PDGFD: variants seen among roughly 807,000 people sequenced by gnomAD.
PDGFD encodes platelet derived growth factor D.
Under a neutral mutation model 44.7 loss-of-function variants are expected in PDGFD, and 30 were observed. The observed-to-expected ratio is 0.67, with a 90% CI of 0.50 to 0.91. The LOEUF (loss-of-function observed/expected upper bound fraction) is 0.91, where lower values mean the gene tolerates loss of function less well. Among genes scored for constraint, PDGFD ranks in the 40% least tolerant of loss-of-function variants. PDGFD has a pLI of 0.00. For missense variants in PDGFD, 445 were observed against 457.8 expected (o/e 0.97, Z 0.25); for synonymous variants, 173 against 168.4 (o/e 1.03, Z -0.21).
At chr11:104,044,998 A>G (rs893764695) in intron 1 of PDGFD, among the ~76,000 whole-genome samples, 2 of 152,202 alleles carry the variant, frequency 1.3e-5, no homozygotes, top group African/African-American at 2.4e-5. Flanking sequence ...AGATCGCACC[A>G]CTGCACTCCA....
intron 3 of PDGFD, among the ~76,000 whole-genome samples, chr11:103,992,824 A>C (rs1006301654): frequency 6.6e-6 from 1 of 152,238 alleles, no homozygotes; most frequent in Admixed American, 6.5e-5. Context: ...TGAACCATGT[A>C]GATGTGATTC....
At position 103,999,005 on chromosome 11, in the gene PDGFD, G is replaced by A. The variant is rs186309718; in HGVS notation, c.329+1046C>T. The stretch of plus-strand genomic sequence containing the variant: ...ATATTAGTTCTTTTTTTTTGAGATG[G>A]AAAAGACGCAAGATCAGCATTAGTT... On this transcript the variant is annotated intron_variant, in intron 2 of 6. Coordinates refer to ENST00000393158, the MANE Select transcript of PDGFD (RefSeq NM_025208.5). Among the ~76,000 whole-genome samples the A allele has an allele frequency of 6.6e-5, 10 of 152,020 alleles. No homozygotes were observed. The East Asian group carries it at 1.9e-3, about 29-fold the overall frequency.
At chr11:104,103,564 C>T (rs1861429291) in intron 1 of PDGFD, among the ~76,000 whole-genome samples, 2 of 150,376 alleles carry the variant, frequency 1.3e-5, no homozygotes, top group African/African-American at 4.9e-5. Context: ...TACATGCACA[C>T]ATATACAGTC....
chr11:104,040,710 G>T (rs1445114312), intron 1 of PDGFD, among the ~76,000 whole-genome samples: 1 of 124,194 alleles, frequency 8.1e-6, no homozygotes, highest in African/African-American at 2.5e-5. Context: ...AAAGTTCAGT[G>T]ATTTTAAATT....
intron 1 of PDGFD, among the ~76,000 whole-genome samples, chr11:104,133,298 T>A (rs1016158410): frequency 2.0e-5 from 3 of 152,122 alleles, no homozygotes; most frequent in African/African-American, 7.2e-5. Flanking sequence ...AATTTAAAAT[T>A]AGGAACAATT....
intron 3 of PDGFD, among the ~76,000 whole-genome samples, chr11:103,971,905 C>T (rs534892896): frequency 1.2e-4 from 19 of 152,296 alleles, no homozygotes; most frequent in South Asian, 8.3e-4. Flanking sequence ...CAGCATAAAG[C>T]ATCCTTACAG....
At chr11:103,982,775 G>C (rs1859291734) in intron 3 of PDGFD, among the ~76,000 whole-genome samples, 1 of 151,672 alleles carries the variant, frequency 6.6e-6, no homozygotes, top group South Asian at 2.1e-4. Context: ...ACCAACAACA[G>C]GCAAGCTGAG....
intron 3 of PDGFD, among the ~76,000 whole-genome samples, chr11:103,978,127 G>A (rs1213231976): frequency 6.6e-6 from 1 of 151,992 alleles, no homozygotes; most frequent in African/African-American, 2.4e-5. Context: ...TAGTGTCGTT[G>A]TTGGTTTCTT....
intron 3 of PDGFD, among the ~76,000 whole-genome samples, chr11:103,981,623 C>T (rs1214945168): frequency 3.3e-5 from 5 of 151,778 alleles, no homozygotes; most frequent in Non-Finnish European, 5.9e-5. Flanking sequence ...ATAGATAATA[C>T]ACAGATTTGA....
chr11:104,144,983 G>T (rs1862143274), intron 1 of PDGFD, among the ~76,000 whole-genome samples: 1 of 152,194 alleles, frequency 6.6e-6, no homozygotes, highest in African/African-American at 2.4e-5. Context: ...CTGAAAAAAT[G>T]TGGAAAAGTG....
chr11:104,041,023 T>C lies in PDGFD; in HGVS notation c.125-40768A>G, dbSNP rs76241701. Among the ~76,000 whole-genome samples, 1,204 of 152,200 alleles carry C rather than the reference T, an allele frequency of 7.9e-3. 17 individuals carry two copies. Among genetic ancestry groups the C allele is most frequent in the African/African-American group, 0.027 (1,134 of 41,560 alleles). On this transcript the variant is annotated intron_variant, in intron 1 of 6. Coordinates refer to ENST00000393158, the MANE Select transcript of PDGFD (RefSeq NM_025208.5). The stretch of plus-strand genomic sequence containing the variant: ...TCCTTTGCAACTTCTTTATCTGACA[T>C]ATTTTAATGCTAGGTCAAAAACTGC...
At chr11:104,063,263 A>C (rs1434798990) in intron 1 of PDGFD, among the ~76,000 whole-genome samples, 1 of 151,998 alleles carries the variant, frequency 6.6e-6, no homozygotes, top group Non-Finnish European at 1.5e-5. Context: ...TCTCTATAAG[A>C]GTCCTTTACT....
intron 1 of PDGFD, among the ~76,000 whole-genome samples, chr11:104,043,805 A>C (rs1007896463): frequency 6.6e-6 from 1 of 152,116 alleles, no homozygotes; most frequent in Non-Finnish European, 1.5e-5. Flanking sequence ...CAGATCTTGC[A>C]TAGGGGACTC....
At chr11:104,132,415 C>G (rs967919861) in intron 1 of PDGFD, among the ~76,000 whole-genome samples, 1 of 151,954 alleles carries the variant, frequency 6.6e-6, no homozygotes, top group Non-Finnish European at 1.5e-5. Flanking sequence ...ACCTACTTCT[C>G]TATAGTTGGA....
intron 1 of PDGFD, among the ~76,000 whole-genome samples, chr11:104,011,016 T>G (rs1295390553): frequency 6.6e-6 from 1 of 151,646 alleles, no homozygotes; most frequent in Non-Finnish European, 1.5e-5. Context: ...TACCCAGGAG[T>G]AACAAGATTT....
At chr11:104,101,418 G>A (rs1310385846) in intron 1 of PDGFD, among the ~76,000 whole-genome samples, 1 of 152,010 alleles carries the variant, frequency 6.6e-6, no homozygotes, top group African/African-American at 2.4e-5. Context: ...CCTCTTCAAG[G>A]GGAACTACAA....
At chr11:104,077,181 A>T (rs1386149217) in intron 1 of PDGFD, among the ~76,000 whole-genome samples, 1 of 152,070 alleles carries the variant, frequency 6.6e-6, no homozygotes, top group African/African-American at 2.4e-5. Context: ...CTGGAGAAAA[A>T]TTTTTAAGAA....
intron 3 of PDGFD, among the ~76,000 whole-genome samples, chr11:103,986,385 T>G (rs1002225919): frequency 3.3e-5 from 5 of 152,132 alleles, no homozygotes; most frequent in Non-Finnish European, 5.9e-5. Context: ...ATTGAAAAAC[T>G]TAAAACATAA....
chr11:103,912,871 C>A (rs1024695517), intron 6 of PDGFD, among the ~76,000 whole-genome samples: 2 of 151,276 alleles, frequency 1.3e-5, no homozygotes, highest in African/African-American at 4.9e-5. Context: ...CAACAAAGAT[C>A]AAAAGAGACA....
Sources: gnomAD v4.1 joint callset for allele counts (sites outside exome capture counted in the v4.1 genomes callset) on GRCh38, gnomAD v4.1.1 for gene constraint, MANE v1.5 for transcripts, NCBI Gene and HGNC (gene_info 2026-07-23, HGNC 2026-07-21) for gene names.